The following TRIM46 variants were observed in gnomAD, a reference collection of about 807,000 sequenced individuals.
The protein encoded by TRIM46 is tripartite motif-containing protein 46.
A neutral mutation model predicts 69.7 loss-of-function variants in TRIM46; 17 were observed. The observed-to-expected ratio is 0.24, with a 90% CI of 0.17 to 0.37. TRIM46 has a LOEUF of 0.37. Ranked by LOEUF, TRIM46 falls within the 10% of genes least tolerant of loss-of-function variation. The pLI, the probability that TRIM46 is intolerant of heterozygous loss-of-function variation, is 1.00. For synonymous variants in TRIM46, 391 were observed against 429.0 expected (o/e 0.91, Z 1.09); for missense variants, 675 against 1,025.1 (o/e 0.66, Z 4.66).
chr1:155,177,883 T>C, intron 5 of TRIM46, 119 bp from the exon 6 acceptor site: 1 of 1,418,654 alleles, frequency 7.0e-7, no homozygotes, highest in South Asian at 1.4e-5. Flanking sequence ...GTGAGTAGGA[T>C]TTCCCCAGAT....
chr1:155,177,394 G>T (rs1665747144), intron 5 of TRIM46, 104 bp downstream of exon 5: 1 of 1,007,304 alleles, frequency 9.9e-7, no homozygotes, highest in Non-Finnish European at 1.6e-6. Flanking sequence ...AGCTCAGGAA[G>T]CCCGTGAGGT....
intron 9 of TRIM46, chr1:155,182,847 A>G (rs1225478594): frequency 6.7e-6 from 1 of 149,344 alleles, no homozygotes; most frequent in Non-Finnish European, 1.5e-5. Flanking sequence ...CCTTCTCAAA[A>G]AAAAAAAAAA....
intron 9 of TRIM46, 77 bp downstream of exon 9, chr1:155,182,226 C>A: frequency 1.6e-6 from 2 of 1,213,732 alleles, no homozygotes; most frequent in Non-Finnish European, 2.4e-6. Context: ...GCAAGTGGAG[C>A]ACAGACTTGC....
In TRIM46 at chr1:155,179,780, C is replaced by A. The variant is rs778231286; in HGVS notation, c.1434C>A (p.Thr478=). The A allele has an allele frequency of 6.2e-7, 1 of 1,613,330 alleles. No individual in the cohort carries two copies. ...RTDVPAQPGP[T]RWQRREEVRG... ...ATGTGCCTGCTCAGCCAGGCCCCAC[C>A]CGCTGGCAGCGGCGGGAGGAGGTGA... Residue 478 remains threonine, a synonymous_variant, in exon 8 of 10, where the codon ACC becomes ACA. Coordinates refer to ENST00000334634, the MANE Select transcript of TRIM46 (RefSeq NM_025058.5).
chr1:155,175,668 G>A lies in TRIM46; in HGVS notation c.325+21G>A. ...GTCAGGTGGGACTGGGGCCTGTAGGGTGGGGATGGGAACGCTGAGCTATTC... is the reference window on the plus strand; with the variant it reads ...GTCAGGTGGGACTGGGGCCTGTAGGATGGGGATGGGAACGCTGAGCTATTC... On this transcript the variant is annotated intron_variant, in intron 2 of 9. Coordinates refer to ENST00000334634, the MANE Select transcript of TRIM46 (RefSeq NM_025058.5). This position sits in a 1 kb window ranked among gnomAD's most constrained non-coding sequence, Gnocchi z 4.2. 2 of 1,613,076 alleles carry A rather than the reference G, an allele frequency of 1.2e-6. No individual in the cohort carries two copies. The highest frequency in any genetic ancestry group is 1.7e-6 in the Non-Finnish European group (2 of 1,179,990).
At chr1:155,178,917 C>T in intron 7 of TRIM46, 1 of 1,156,136 alleles carries the variant, frequency 8.6e-7, no homozygotes, top group South Asian at 1.3e-5. Flanking sequence ...TGCTCCCACG[C>T]ATCTCAGCCA....
intron 9 of TRIM46, chr1:155,182,364 G>C (rs1240822603): frequency 6.6e-6 from 4 of 601,628 alleles, no homozygotes; most frequent in East Asian, 2.8e-5. Flanking sequence ...AGAGCATGTC[G>C]TGTGGTCAGG....
chr1:155,174,599 AG>A, intron 1 of TRIM46: 4 of 1,527,308 alleles, frequency 2.6e-6, no homozygotes, highest in Non-Finnish European at 2.6e-6. Flanking sequence ...CCTTTGTGTC[AG>A]CTGCGCCCCT....
In TRIM46 at chr1:155,181,797, G is replaced by A. The variant is rs959271141; in HGVS notation, c.1589-55G>A. On this transcript the variant is annotated intron_variant, in intron 8 of 9. Transcript: ENST00000334634. This position sits in a 1 kb window ranked among gnomAD's most constrained non-coding sequence, Gnocchi z 4.3. ...GTTCTGCAGTCTCACAGCCCCCAGTGCCAGTGTTTGTCCCTGAAGTTCTTG... is the reference window on the plus strand; with the variant it reads ...GTTCTGCAGTCTCACAGCCCCCAGTACCAGTGTTTGTCCCTGAAGTTCTTG... 1.9e-6 allele frequency: 3 copies of A among 1,560,454 alleles called. No individual in the cohort carries two copies. Among genetic ancestry groups the A allele is most frequent in the Middle Eastern group, 1.7e-4 (1 of 5,864 alleles).
At chr1:155,177,791 G>C (rs948653532) in intron 5 of TRIM46, among the ~76,000 whole-genome samples, 2 of 152,154 alleles carry the variant, frequency 1.3e-5, no homozygotes, top group Non-Finnish European at 2.9e-5. Context: ...GTGGGGTTCC[G>C]GGAAGGTTGG....
chr1:155,175,177 G>C lies in TRIM46; in HGVS notation c.64-209G>C. The C allele has an allele frequency of 7.0e-7, 1 of 1,425,374 alleles. No homozygotes were observed. Among genetic ancestry groups the C allele is most frequent in the Non-Finnish European group, 9.1e-7 (1 of 1,098,908 alleles). 88.3% of individuals were successfully genotyped at this position (1,425,374 alleles called of 1,614,324 possible). A position where few individuals can be genotyped will look rare whatever the true frequency, so the allele number is the denominator to read the frequency against. On this transcript the variant is annotated intron_variant, in intron 1 of 9. Coordinates refer to ENST00000334634, the MANE Select transcript of TRIM46 (RefSeq NM_025058.5). The surrounding 1 kb of genome is among the most constrained non-coding windows in gnomAD (Gnocchi z 4.2). ...ACAAGCTCCAACCGTCCCTCCTCTG[G>C]GCCTTTAGCTCTGCAGCGGGGAAAG... is the stretch of plus-strand genomic sequence containing the variant.
chr1:155,183,948 A>G lies in TRIM46; in HGVS notation c.2038A>G (p.Thr680Ala). 3 of 1,613,818 alleles carry G rather than the reference A, an allele frequency of 1.9e-6. No individual in the cohort carries two copies. The highest frequency in any genetic ancestry group is 2.5e-6 in the Non-Finnish European group (3 of 1,179,986). The change falls in exon 10 of 10, where the codon ACA (threonine) becomes GCA (alanine). Residue 680 changes from threonine to alanine, a missense_variant. Physicochemically the swap from Thr to Ala is moderately conservative, Grantham distance 58. This residue lies in a region of TRIM46 where 108 missense variants were observed against 153.0 expected (regional missense o/e 0.71). Transcript: ENST00000334634. Reference sequence around the variant, plus strand: ...AGGGCTGACAGGGAGGGATGGCCCCACAGCCGGCTGCACAGTGCCCCTGCC... The same window carrying G: ...AGGGCTGACAGGGAGGGATGGCCCCGCAGCCGGCTGCACAGTGCCCCTGCC... ...NAGLTGRDGP[T>A]AGCTVPLPPR...
At chr1:155,178,922 C>T in intron 7 of TRIM46, 1 of 1,096,366 alleles carries the variant, frequency 9.1e-7, no homozygotes, top group Non-Finnish European at 1.3e-6. Context: ...CCACGCATCT[C>T]AGCCAACCAC....
At chr1:155,178,712 C>T (rs1166114683) in intron 7 of TRIM46, 99 bp downstream of exon 7, 1 of 1,555,396 alleles carries the variant, frequency 6.4e-7, no homozygotes, top group East Asian at 2.4e-5. Context: ...CCTCCCCGGC[C>T]TCCTGCCCGG....
In TRIM46 at chr1:155,184,012, G is replaced by T. The variant is rs771716937; in HGVS notation, c.2102G>T (p.Arg701Leu). ...LGICLDYERG[R>L]VSFLDAVSFR... The stretch of plus-strand genomic sequence containing the variant: ...ATCTGCCTGGACTATGAGCGGGGCC[G>T]GGTTTCCTTCCTGGATGCTGTTTCC... The change falls in exon 10 of 10, where the codon CGG becomes CTG. Residue 701 changes from arginine (R) to leucine (L), a missense_variant. By Grantham distance (102) the Arg-to-Leu change is moderately radical. Transcript: ENST00000334634. The surrounding 1 kb of genome is among the most constrained non-coding windows in gnomAD (Gnocchi z 5.6). 7.4e-6 allele frequency: 12 copies of T among 1,614,008 alleles called. No homozygotes were observed. The highest frequency in any genetic ancestry group is 1.0e-5 in the Non-Finnish European group (12 of 1,180,040).
In TRIM46 at chr1:155,175,311, CCAAGGGCAGCCAAGGGGCTG is replaced by C; in HGVS notation, c.64-73_64-54del. On this transcript the variant is annotated intron_variant, in intron 1 of 9. Coordinates refer to ENST00000334634, the MANE Select transcript of TRIM46 (RefSeq NM_025058.5). The surrounding 1 kb of genome is among the most constrained non-coding windows in gnomAD (Gnocchi z 4.2). ...CTCCTTCCTCAGACCCCTAGGGTAT[CCAAGGGCAGCCAAGGGGCTG>C]CTGAGGTATGCCTAAGTGTCCAAGC... The C allele has an allele frequency of 6.3e-7, 1 of 1,592,932 alleles. No homozygotes were observed. Among genetic ancestry groups the C allele is most frequent in the Non-Finnish European group, 8.5e-7 (1 of 1,174,070 alleles).
rs1557810579 is a variant in TRIM46, at chr1:155,176,990, G to A, written c.728G>A (p.Arg243His). 5.0e-6 allele frequency: 8 copies of A among 1,614,058 alleles called. No homozygotes were observed. The highest frequency in any genetic ancestry group is 3.3e-5 in the Admixed American group (2 of 60,012). ...EVTHYCKTCQRLVCQLCRVRR... is the reference protein window; with the variant it reads ...EVTHYCKTCQHLVCQLCRVRR... ...ACCCACTACTGCAAGACATGCCAAC[G>A]CCTGGTATGTCAACTCTGCCGGGTG... Residue 243 changes from arginine (R) to histidine (H), a missense_variant, in exon 4 of 10, where the codon CGC (arginine) becomes CAC (histidine). Transcript: ENST00000334634.
At chr1:155,174,976 G>A in intron 1 of TRIM46, 1 of 1,386,344 alleles carries the variant, frequency 7.2e-7, no homozygotes, top group Non-Finnish European at 9.3e-7. Flanking sequence ...ACGGCATGGG[G>A]GTGCTGCTAG....
chr1:155,179,626 C>T lies in TRIM46; in HGVS notation c.1286-6C>T, dbSNP rs1282924775. ...CCTGACTGACACCCGCTGTCTCTTC[C>T]AACAGTGCCTGAGGCCCCCGTCATT... On this transcript the variant is annotated splice_region_variant and splice_polypyrimidine_tract_variant and intron_variant, in intron 7 of 9. Coordinates refer to ENST00000334634, the MANE Select transcript of TRIM46 (RefSeq NM_025058.5). 2 of 1,586,292 alleles carry T rather than the reference C, an allele frequency of 1.3e-6. No homozygotes were observed. Among genetic ancestry groups the T allele is most frequent in the African/African-American group, 2.7e-5 (2 of 74,626 alleles).
Sources: allele counts gnomAD v4.1 joint callset (sites outside exome capture counted in the v4.1 genomes callset), GRCh38; gene constraint gnomAD v4.1.1; regional missense constraint gnomAD v4.1.1; non-coding constraint Gnocchi (gnomAD v3.1); transcripts MANE v1.5; gene names NCBI Gene and HGNC (gene_info 2026-07-23, HGNC 2026-07-21).